SRPK1: variants seen among roughly 807,000 people sequenced by gnomAD.
The protein encoded by SRPK1 is SRSF protein kinase 1.
Under a neutral mutation model 89.5 loss-of-function variants are expected in SRPK1, and 52 were observed. The ratio of observed to expected loss-of-function variants is 0.58; its 90% CI spans 0.46 to 0.73. The LOEUF (loss-of-function observed/expected upper bound fraction) is 0.73. Among genes scored for constraint, SRPK1 ranks in the 30% least tolerant of loss-of-function variants. The probability of loss-of-function intolerance (pLI) is 0.00; values close to 1 mark genes in which losing one functional copy is unlikely to be tolerated. For synonymous variants in SRPK1, 255 were observed against 270.2 expected, an observed-to-expected ratio of 0.94 and a Z score of 0.55; for missense variants, 603 against 780.6, an observed-to-expected ratio of 0.77 and a Z score of 2.71.
chr6:35,900,444 C>T (rs1458035585), intron 2 of SRPK1, among the ~76,000 whole-genome samples: 1 of 152,144 alleles, frequency 6.6e-6, no homozygotes, highest in Non-Finnish European at 1.5e-5. Context: ...TTTCTAGGCA[C>T]TGGGAATGCA....
chr6:35,892,663 A>AAC (rs1245005605), intron 2 of SRPK1, among the ~76,000 whole-genome samples: 1 of 134,564 alleles, frequency 7.4e-6, no homozygotes, highest in Non-Finnish European at 1.6e-5. Flanking sequence ...AAACAACAAC[A>AAC]ACAACAACAA....
At chr6:35,866,676 TG>T (rs36100540) in intron 12 of SRPK1, among the ~76,000 whole-genome samples, 3 of 152,198 alleles carry the variant, frequency 2.0e-5, no homozygotes, top group African/African-American at 7.2e-5. Context: ...GTACCACTGC[TG>T]GGTATCTGCA....
intron 13 of SRPK1, among the ~76,000 whole-genome samples, chr6:35,843,617 A>G (rs1358761113): frequency 1.3e-5 from 2 of 151,308 alleles, no homozygotes; most frequent in Non-Finnish European, 2.9e-5. Flanking sequence ...CGCCCAGCTA[A>G]TTTTTGTATT....
At chr6:35,873,913 G>A (rs562573753) in intron 7 of SRPK1, among the ~76,000 whole-genome samples, 160 of 149,750 alleles carry the variant, frequency 1.1e-3, no homozygotes, top group African/African-American at 3.5e-3. Flanking sequence ...CGCAAGCTCC[G>A]CCTCCTGGGT....
At chr6:35,917,812 T>C (rs1474659242) in intron 2 of SRPK1, among the ~76,000 whole-genome samples, 1 of 152,254 alleles carries the variant, frequency 6.6e-6, no homozygotes, top group African/African-American at 2.4e-5. Flanking sequence ...TTTATATCTT[T>C]AGGTCCTGAT....
At chr6:35,847,834 AT>A (rs896890340) in intron 13 of SRPK1, among the ~76,000 whole-genome samples, 59 of 147,962 alleles carry the variant, frequency 4.0e-4, no homozygotes, top group Admixed American at 4.0e-4. Flanking sequence ...TTTTTATTTT[AT>A]TTTTTTTTTT....
At chr6:35,895,374 A>T (rs1770607808) in intron 2 of SRPK1, among the ~76,000 whole-genome samples, 1 of 152,220 alleles carries the variant, frequency 6.6e-6, no homozygotes, top group Middle Eastern at 3.4e-3. Context: ...CAATATTTTC[A>T]TGTTACGAAG....
intron 14 of SRPK1, 33 bp from the exon 15 acceptor site, chr6:35,838,462 A>C (rs768375499): frequency 6.5e-6 from 10 of 1,530,164 alleles, no homozygotes; most frequent in South Asian, 6.2e-5. Context: ...GAGGGGGGAA[A>C]AAAAAGATCC....
rs773076358 is a variant in SRPK1 at position 35,869,633 on chromosome 6, C to T, written c.1260G>A (p.Glu420=). ...ETDSCTPITS[E]VSDTMVCQSS... ...ACTGGCACACCATGGTGTCTGACAC[C>T]TCAGATGTTATAGGTGTACAAGAGT... The change falls in exon 11 of 16, where the codon GAG becomes GAA. Residue 420 remains glutamate, a synonymous_variant. Transcript: ENST00000373825. 2.5e-6 allele frequency: 4 copies of T among 1,613,928 alleles called. No individual in the cohort carries two copies. Among genetic ancestry groups the T allele is most frequent in the Non-Finnish European group, 3.4e-6 (4 of 1,179,860 alleles).
intron 2 of SRPK1, among the ~76,000 whole-genome samples, chr6:35,908,354 C>T (rs2127267127): frequency 6.6e-6 from 1 of 152,236 alleles, no homozygotes; most frequent in African/African-American, 2.4e-5. Flanking sequence ...ACAATGAAGT[C>T]CAGGCTGAAG....
At position 35,835,415 on chromosome 6, in the gene SRPK1, C is replaced by T. The variant is rs1049649; in HGVS notation, c.1857G>A (p.Ser619=). ...FEVLVEKYEW[S]QEEAAGFTDF... ...CTGTGAAGCCAGCTGCCTCTTCCTG[C>T]GACCACTCATACTTCTCCACTAGAA... Residue 619 remains serine (S), a synonymous_variant, in exon 16 of 16, where the codon TCG becomes TCA. Transcript: ENST00000373825. 10 of 1,613,068 alleles carry T rather than the reference C, an allele frequency of 6.2e-6. No individual in the cohort carries two copies. The East Asian group carries it at 1.6e-4, about 25-fold the overall frequency.
chr6:35,854,370 A>C (rs1192328047), intron 13 of SRPK1, among the ~76,000 whole-genome samples: 1 of 152,186 alleles, frequency 6.6e-6, no homozygotes, highest in South Asian at 2.1e-4. Context: ...CCATCAATTA[A>C]TTACATTGGA....
chr6:35,861,432 T>C (rs927530448), intron 12 of SRPK1, among the ~76,000 whole-genome samples: 2 of 152,176 alleles, frequency 1.3e-5, no homozygotes, highest in Non-Finnish European at 2.9e-5. Flanking sequence ...GGGTGCCATT[T>C]TGACAGCCTT....
intron 15 of SRPK1, 82 bp from the exon 16 acceptor site, chr6:35,835,570 C>G (rs1769161911): frequency 7.7e-7 from 1 of 1,303,148 alleles, no homozygotes; most frequent in African/African-American, 1.5e-5. Flanking sequence ...CACAAACTAA[C>G]CCATGTAGTC....
At chr6:35,903,468 T>G (rs1469557244) in intron 2 of SRPK1, among the ~76,000 whole-genome samples, 1 of 151,102 alleles carries the variant, frequency 6.6e-6, no homozygotes, top group Non-Finnish European at 1.5e-5. Flanking sequence ...GCCGAGATTG[T>G]GCCACTGCAC....
chr6:35,908,418 G>A (rs1770894708), intron 2 of SRPK1, among the ~76,000 whole-genome samples: 1 of 152,230 alleles, frequency 6.6e-6, no homozygotes, highest in South Asian at 2.1e-4. Context: ...GGTCACTCAT[G>A]CTATGCTTTA....
At chr6:35,909,883 T>A (rs968170503) in intron 2 of SRPK1, among the ~76,000 whole-genome samples, 5 of 152,218 alleles carry the variant, frequency 3.3e-5, no homozygotes, top group South Asian at 2.1e-4. Context: ...CTGGTAAGCC[T>A]GTGGAACTGT....
At chr6:35,891,563 A>T (rs2395644) in intron 2 of SRPK1, among the ~76,000 whole-genome samples, 47,539 of 151,306 alleles carry the variant, frequency 0.31, 7,640 homozygotes, top group South Asian at 0.42. Flanking sequence ...CTACTAAGGA[A>T]ACAAAAAATT....
chr6:35,886,849 A>G, intron 5 of SRPK1, 38 bp from the exon 6 acceptor site: 2 of 1,238,988 alleles, frequency 1.6e-6, no homozygotes, highest in Non-Finnish European at 2.4e-6. Flanking sequence ...CACAAGGTAA[A>G]GCATGGAAAT....
Sources: gnomAD v4.1 joint callset for allele counts (sites outside exome capture counted in the v4.1 genomes callset) on GRCh38, gnomAD v4.1.1 for gene constraint, MANE v1.5 for transcripts, NCBI Gene and HGNC (gene_info 2026-07-23, HGNC 2026-07-21) for gene names.